Variants in EFNA5 observed in about 807,000 individuals in gnomAD.
EFNA5 encodes the protein ephrin-A5.
A neutral mutation model predicts 22.9 loss-of-function variants in EFNA5; 5 were observed. The ratio of observed to expected loss-of-function variants is 0.22; its 90% CI spans 0.11 to 0.46. EFNA5 has a LOEUF of 0.46. Ranked by LOEUF, EFNA5 falls within the 20% of genes least tolerant of loss-of-function variation. The pLI, the probability that EFNA5 is intolerant of heterozygous loss-of-function variation, is 0.99. For missense variants in EFNA5, 237 were observed against 293.3 expected (o/e 0.81, Z 1.40); for synonymous variants, 113 against 112.2 (o/e 1.01, Z -0.04).
intron 1 of EFNA5, among the ~76,000 whole-genome samples, chr5:107,472,935 CT>C (rs1322015495): frequency 1.3e-5 from 2 of 152,140 alleles, no homozygotes; most frequent in African/African-American, 4.8e-5. Context: ...TTGAACAAAC[CT>C]TTGATATTCT....
chr5:107,557,774 C>T (rs1748455779), intron 1 of EFNA5, among the ~76,000 whole-genome samples: 1 of 152,100 alleles, frequency 6.6e-6, no homozygotes, highest in South Asian at 2.1e-4. Flanking sequence ...AGTTTTGTTA[C>T]CATTACATGT....
In EFNA5 at chr5:107,424,230, G is replaced by A. The variant is rs557856660; in HGVS notation, c.418+2987C>T. On this transcript the variant is annotated intron_variant, in intron 2 of 4. Coordinates refer to ENST00000333274, the MANE Select transcript of EFNA5 (RefSeq NM_001962.3). ...TTTTTTTTTTTTTTTTTTTTGAGACGGAGTCTCACTCTGTCACCCAGGCTG... is the reference window on the plus strand; with the variant it reads ...TTTTTTTTTTTTTTTTTTTTGAGACAGAGTCTCACTCTGTCACCCAGGCTG... Among the ~76,000 whole-genome samples the A allele has an allele frequency of 1.3e-3, 147 of 113,754 alleles. 1 individual carries two copies. The highest frequency in any genetic ancestry group is 2.2e-3 in the Admixed American group (20 of 8,934). The allele number at this position is 113,754 out of a possible 152,430, so 74.6% of individuals were successfully genotyped here. A position where few individuals can be genotyped will look rare whatever the true frequency, so the allele number is the denominator to read the frequency against.
chr5:107,387,298 T>C lies in EFNA5; in HGVS notation c.502A>G (p.Ile168Val), dbSNP rs1289779671. ...VRPTNSCMKTIGVHDRVFDVN... is the reference protein window; with the variant it reads ...VRPTNSCMKTVGVHDRVFDVN... ...TCGAAAACACGATCATGAACACCTA[T>C]AGTTTTCATACAGCTATCTATAACA... Residue 168 changes from isoleucine to valine, a missense_variant, in exon 4 of 5, where the codon ATA becomes GTA. This residue lies in a region of EFNA5 where 104 missense variants were observed against 114.5 expected (regional missense o/e 0.91). Transcript: ENST00000333274. 2.5e-6 allele frequency: 4 copies of C among 1,601,836 alleles called. No individual in the cohort carries two copies. Among genetic ancestry groups the C allele is most frequent in the Non-Finnish European group, 2.6e-6 (3 of 1,172,244 alleles).
At chr5:107,386,444 G>A (rs926050453) in intron 4 of EFNA5, among the ~76,000 whole-genome samples, 2 of 152,166 alleles carry the variant, frequency 1.3e-5, no homozygotes, top group African/African-American at 4.8e-5. Flanking sequence ...ATATTTACAG[G>A]TTCTTATTAT....
At chr5:107,625,016 T>G (rs1437195328) in intron 1 of EFNA5, among the ~76,000 whole-genome samples, 1 of 152,164 alleles carries the variant, frequency 6.6e-6, no homozygotes, top group Admixed American at 6.5e-5. Context: ...CCAGCATGCA[T>G]GCACAATGCT....
chr5:107,382,972 G>A (rs1345665551), intron 4 of EFNA5, among the ~76,000 whole-genome samples: 2 of 152,132 alleles, frequency 1.3e-5, no homozygotes, highest in Non-Finnish European at 2.9e-5. Flanking sequence ...CACAATAAGG[G>A]TGCTTTTCCT....
chr5:107,617,209 TACACACACAC>T (rs373146585), intron 1 of EFNA5, among the ~76,000 whole-genome samples: 7 of 141,060 alleles, frequency 5.0e-5, no homozygotes, highest in Non-Finnish European at 9.1e-5. Flanking sequence ...CATGTGCACA[TACACACACAC>T]ACACACACAC....
At chr5:107,491,548 T>C (rs1175753589) in intron 1 of EFNA5, among the ~76,000 whole-genome samples, 1 of 152,208 alleles carries the variant, frequency 6.6e-6, no homozygotes, top group African/African-American at 2.4e-5. Context: ...TAACCTCAGG[T>C]GATCCACCTG....
At chr5:107,395,034 C>CTTTAGTTCTTTTTTTTTTTTT (rs1747883567) in intron 2 of EFNA5, among the ~76,000 whole-genome samples, 65 of 86,144 alleles carry the variant, frequency 7.5e-4, no homozygotes, top group Non-Finnish European at 1.1e-3. Context: ...ATTTCTAGTT[C>CTTTAGTTCTTTTTTTTTTTTT]TTTTTTTTTT....
chr5:107,655,950 G>A (rs1458181063), intron 1 of EFNA5, among the ~76,000 whole-genome samples: 2 of 152,102 alleles, frequency 1.3e-5, no homozygotes, highest in African/African-American at 4.8e-5. Context: ...CTCAAGCAGA[G>A]CGTCAAGAGG....
chr5:107,638,664 T>C (rs192466113), intron 1 of EFNA5, among the ~76,000 whole-genome samples: 10 of 152,330 alleles, frequency 6.6e-5, no homozygotes, highest in East Asian at 1.9e-4. Context: ...ATATGTTATA[T>C]GCAAACATGA....
At position 107,381,250 on chromosome 5, in the gene EFNA5, CTG is replaced by C. The variant is rs1276329286; in HGVS notation, c.*3_*4del. The C allele has an allele frequency of 5.0e-6, 8 of 1,612,268 alleles. No individual in the cohort carries two copies. Among genetic ancestry groups the C allele is most frequent in the African/African-American group, 2.7e-5 (2 of 74,912 alleles). On this transcript the variant is annotated 3_prime_UTR_variant, in exon 5 of 5. Coordinates refer to ENST00000333274, the MANE Select transcript of EFNA5 (RefSeq NM_001962.3). The stretch of plus-strand genomic sequence containing the variant: ...TTCTGTGACAAGTGATGGGAGGAGA[CTG>C]TGCTATAATGTCAAAAGCATCGCCA...
At chr5:107,636,866 G>GGCAA (rs1750382770) in intron 1 of EFNA5, among the ~76,000 whole-genome samples, 1 of 152,184 alleles carries the variant, frequency 6.6e-6, no homozygotes, top group South Asian at 2.1e-4. Flanking sequence ...GCAATAATCT[G>GGCAA]TAAACCATTA....
chr5:107,489,705 G>C (rs947872367), intron 1 of EFNA5, among the ~76,000 whole-genome samples: 8 of 149,620 alleles, frequency 5.3e-5, no homozygotes, highest in Non-Finnish European at 1.2e-4. Flanking sequence ...TCCTGCAACT[G>C]AACATTATCA....
chr5:107,491,353 C>T (rs1746801393), intron 1 of EFNA5, among the ~76,000 whole-genome samples: 1 of 152,190 alleles, frequency 6.6e-6, no homozygotes, highest in African/African-American at 2.4e-5. Flanking sequence ...CTCTTGTTGC[C>T]CAGGCTGAAG....
intron 1 of EFNA5, among the ~76,000 whole-genome samples, chr5:107,442,322 C>A (rs930871778): frequency 6.6e-6 from 1 of 152,090 alleles, no homozygotes; most frequent in African/African-American, 2.4e-5. Context: ...TCTTAACTAC[C>A]TAGTTTCTTT....
At chr5:107,597,827 T>C (rs951267392) in intron 1 of EFNA5, among the ~76,000 whole-genome samples, 1 of 152,106 alleles carries the variant, frequency 6.6e-6, no homozygotes, top group Non-Finnish European at 1.5e-5. Context: ...AGCAGAAAAC[T>C]GAAAATTCTT....
At chr5:107,496,336 C>CAAAAAAAAAAAAA (rs77916124) in intron 1 of EFNA5, among the ~76,000 whole-genome samples, 12 of 79,838 alleles carry the variant, frequency 1.5e-4, no homozygotes, top group South Asian at 5.4e-4. Flanking sequence ...AATTCCATCT[C>CAAAAAAAAAAAAA]AAAAAAAAAA....
At chr5:107,424,900 C>G (rs1032466872) in intron 2 of EFNA5, among the ~76,000 whole-genome samples, 11 of 152,060 alleles carry the variant, frequency 7.2e-5, no homozygotes, top group African/African-American at 2.4e-4. Context: ...CTTTGCGGGT[C>G]GAAAACATGG....
Sources: allele counts gnomAD v4.1 joint callset (sites outside exome capture counted in the v4.1 genomes callset), GRCh38; gene constraint gnomAD v4.1.1; regional missense constraint gnomAD v4.1.1; transcripts MANE v1.5; gene names NCBI Gene and HGNC (gene_info 2026-07-23, HGNC 2026-07-21).